The following SPTBN4 variants were observed in gnomAD, a reference collection of about 807,000 sequenced individuals.
SPTBN4 encodes spectrin beta, non-erythrocytic 4, also known as spectrin beta chain, non-erythrocytic 4.
SPTBN4 carries 96 observed loss-of-function variants against 277.8 expected under a neutral mutation model. The ratio of observed to expected loss-of-function variants is 0.35; its 90% CI spans 0.29 to 0.41. The LOEUF (loss-of-function observed/expected upper bound fraction) is 0.41, where lower values mean the gene tolerates loss of function less well. Ranked by LOEUF, SPTBN4 falls within the 10% of genes least tolerant of loss-of-function variation. The pLI, the probability that SPTBN4 is intolerant of heterozygous loss-of-function variation, is 1.00. For missense variants in SPTBN4, 3,006 were observed against 3,595.7 expected, an observed-to-expected ratio of 0.84 and a Z score of 4.19; for synonymous variants, 1,481 against 1,580.3, an observed-to-expected ratio of 0.94 and a Z score of 1.49.
chr19:40,482,777 C>T (rs1407559475), intron 2 of SPTBN4, among the ~76,000 whole-genome samples: 3 of 151,754 alleles, frequency 2.0e-5, no homozygotes, highest in African/African-American at 4.8e-5. Context: ...ACCTGACCAA[C>T]ATGGAGAAAC....
At chr19:40,477,622 C>T (rs2079963647) in intron 2 of SPTBN4, among the ~76,000 whole-genome samples, 1 of 152,280 alleles carries the variant, frequency 6.6e-6, no homozygotes, top group South Asian at 2.1e-4. Flanking sequence ...ATAGGATGTA[C>T]TTGATCCAGC....
In SPTBN4 at chr19:40,515,962, CGTATATAT is replaced by C. The variant is rs1568798481; in HGVS notation, c.2903+515_2903+522del. Among the ~76,000 whole-genome samples the C allele has an allele frequency of 2.6e-4, 38 of 145,534 alleles. No homozygotes were observed. Among genetic ancestry groups the C allele is most frequent in the Non-Finnish European group, 3.6e-4 (24 of 66,628 alleles). On this transcript the variant is annotated intron_variant, in intron 15 of 35. Coordinates refer to ENST00000598249, the MANE Select transcript of SPTBN4 (RefSeq NM_020971.3). The surrounding 1 kb of genome is among the most constrained non-coding windows in gnomAD (Gnocchi z 4.1). Reference sequence around the variant, plus strand: ...ATATACGTATATATACACATATATACGTATATATACACATATATACGTATATATACACA... The same window carrying C: ...ATATACGTATATATACACATATATACACACATATATACGTATATATACACA...
chr19:40,567,972 G>A lies in SPTBN4; in HGVS notation c.6646G>A (p.Glu2216Lys), dbSNP rs1015417599. Reference protein sequence around the residue: ...ALPAAPEDAAETPATPAAAEQ... With the variant: ...ALPAAPEDAAKTPATPAAAEQ... Reference sequence around the variant, plus strand: ...GCCGGCCGCACCAGAGGACGCGGCGGAGACCCCCGCGACCCCCGCGGCGGC... The same window carrying A: ...GCCGGCCGCACCAGAGGACGCGGCGAAGACCCCCGCGACCCCCGCGGCGGC... Residue 2216 changes from glutamate (E) to lysine (K), a missense_variant, in exon 31 of 36, where the codon GAG becomes AAG. This residue lies in a region of SPTBN4 where 630 missense variants were observed against 677.6 expected (regional missense o/e 0.93). Transcript: ENST00000598249. 11 of 1,500,828 alleles carry A rather than the reference G, an allele frequency of 7.3e-6. No individual in the cohort carries two copies. The highest frequency in any genetic ancestry group is 1.3e-5 in the South Asian group (1 of 77,598). 93.0% of individuals were successfully genotyped at this position (1,500,828 alleles called of 1,614,324 possible). A position where few individuals can be genotyped will look rare whatever the true frequency, so the allele number is the denominator to read the frequency against.
chr19:40,566,134 G>GT, intron 29 of SPTBN4, 29 bp from the exon 30 acceptor site: 1 of 1,467,446 alleles, frequency 6.8e-7, no homozygotes, highest in East Asian at 2.5e-5. Context: ...AGATGCCCCA[G>GT]AATCCTTACC....
At chr19:40,563,531 T>C (rs1322644706) in intron 27 of SPTBN4, among the ~76,000 whole-genome samples, 1 of 151,948 alleles carries the variant, frequency 6.6e-6, no homozygotes, top group African/African-American at 2.4e-5. Flanking sequence ...ACATTTTTAT[T>C]TAACCTGACA....
chr19:40,497,232 C>T (rs73048188), intron 6 of SPTBN4, among the ~76,000 whole-genome samples: 8,454 of 152,188 alleles, frequency 0.056, 311 homozygotes, highest in South Asian at 0.093. Context: ...CCTACCCATT[C>T]GTCTGTGTGC....
chr19:40,560,319 C>G lies in SPTBN4; in HGVS notation c.5831C>G (p.Ala1944Gly). Reference protein sequence around the residue: ...ARLHVSSTADALRFHSQVRDL... With the variant: ...ARLHVSSTADGLRFHSQVRDL... The stretch of plus-strand genomic sequence containing the variant: ...CTGCATGTCAGCTCCACAGCCGACG[C>G]CCTGCGCTTCCACAGCCAAGTCCGC... Residue 1944 changes from alanine to glycine, a missense_variant, in exon 27 of 36, where the codon GCC becomes GGC. Coordinates refer to ENST00000598249, the MANE Select transcript of SPTBN4 (RefSeq NM_020971.3). This position sits in a 1 kb window ranked among gnomAD's most constrained non-coding sequence, Gnocchi z 5.2. 2.5e-6 allele frequency: 4 copies of G among 1,614,114 alleles called. No individual in the cohort carries two copies. Among genetic ancestry groups the G allele is most frequent in the Non-Finnish European group, 3.4e-6 (4 of 1,180,026 alleles).
chr19:40,564,432 C>A (rs1568378548), intron 27 of SPTBN4, among the ~76,000 whole-genome samples: 1 of 152,218 alleles, frequency 6.6e-6, no homozygotes, highest in African/African-American at 2.4e-5. Flanking sequence ...TCAGACTGGC[C>A]ACATTTCAAG....
At chr19:40,506,644 C>G (rs893605370) in intron 13 of SPTBN4, among the ~76,000 whole-genome samples, 3 of 152,142 alleles carry the variant, frequency 2.0e-5, no homozygotes, top group Non-Finnish European at 4.4e-5. Flanking sequence ...TGTTATGTGC[C>G]AAGCCCTTCA....
chr19:40,566,405 C>T, intron 30 of SPTBN4, 46 bp downstream of exon 30: 1 of 1,442,778 alleles, frequency 6.9e-7, no homozygotes. Flanking sequence ...CCCACCAAGA[C>T]CCCCACACCC....
intron 28 of SPTBN4, 44 bp from the exon 29 acceptor site, chr19:40,565,617 C>T: frequency 6.4e-7 from 1 of 1,571,230 alleles, no homozygotes; most frequent in Admixed American, 1.9e-5. Flanking sequence ...GGGTGGAAGC[C>T]ATTCCACACC....
rs1288210303 is a variant in SPTBN4 at position 40,501,932 on chromosome 19, G to A, written c.796G>A (p.Glu266Lys). 1.2e-6 allele frequency: 2 copies of A among 1,614,166 alleles called. No homozygotes were observed. The highest frequency in any genetic ancestry group is 1.7e-6 in the Non-Finnish European group (2 of 1,180,010). Residue 266 changes from glutamate to lysine, a missense_variant, in exon 8 of 36, where the codon GAG becomes AAG. Glu to Lys is a moderately conservative substitution (Grantham distance 56). This residue lies in a region of SPTBN4 where 1,759 missense variants were observed against 2,061.5 expected (regional missense o/e 0.85). Transcript: ENST00000598249. Reference protein sequence around the residue: ...RLLDPEDVNMEAPDEKSIITY... With the variant: ...RLLDPEDVNMKAPDEKSIITY... ...CCTCTTGCTTCCAGATGTGAACATGGAGGCTCCAGATGAGAAGTCCATCAT... is the reference window on the plus strand; with the variant it reads ...CCTCTTGCTTCCAGATGTGAACATGAAGGCTCCAGATGAGAAGTCCATCAT...
At chr19:40,552,958 T>G (rs1030124983) in intron 22 of SPTBN4, among the ~76,000 whole-genome samples, 22 of 152,268 alleles carry the variant, frequency 1.4e-4, no homozygotes, top group African/African-American at 5.3e-4. Flanking sequence ...TGCTCCATAG[T>G]TTATCACCTT....
intron 20 of SPTBN4, among the ~76,000 whole-genome samples, chr19:40,536,387 T>A (rs1395022800): frequency 1.3e-5 from 2 of 152,094 alleles, no homozygotes; most frequent in Non-Finnish European, 2.9e-5. Context: ...CTAATTTTTT[T>A]ATTTTTAGTA....
chr19:40,493,101 C>T, intron 5 of SPTBN4, 47 bp downstream of exon 5: 1 of 1,570,626 alleles, frequency 6.4e-7, no homozygotes, highest in South Asian at 1.1e-5. Flanking sequence ...AAGTGGTCCC[C>T]TAACCTCTGC....
Position 40,519,721 on chromosome 19 carries a change from G to C in SPTBN4, c.3224G>C (p.Ser1075Thr). 7.2e-7 allele frequency: 1 copy of C among 1,398,474 alleles called. No homozygotes were observed. The highest frequency in any genetic ancestry group is 1.5e-5 in the African/African-American group (1 of 65,690). The allele number at this position is 1,398,474 out of a possible 1,614,324, so 86.6% of individuals were successfully genotyped here. A position where few individuals can be genotyped will look rare whatever the true frequency, so the allele number is the denominator to read the frequency against. The change falls in exon 16 of 36, where the codon AGC becomes ACC. Residue 1075 changes from serine to threonine, a missense_variant. Ser to Thr is a moderately conservative substitution (Grantham distance 58). Around this residue, in one of 5 missense-constraint regions of SPTBN4, gnomAD observed 1,759 missense variants for 2,061.5 expected, o/e 0.85. Transcript: ENST00000598249. This position sits in a 1 kb window ranked among gnomAD's most constrained non-coding sequence, Gnocchi z 5.7. ...ELGAEWGALA[S>T]AAQACGEAVA... ...GGCGCCGAGTGGGGCGCGCTAGCTA[G>C]CGCGGCTCAGGCCTGCGGCGAGGCG...
intron 2 of SPTBN4, among the ~76,000 whole-genome samples, chr19:40,484,468 C>G (rs1031432325): frequency 1.3e-5 from 2 of 152,122 alleles, no homozygotes; most frequent in East Asian, 1.9e-4. Flanking sequence ...CAGATAACCT[C>G]GAGATGATCA....
chr19:40,495,655 C>A (rs1489600991), intron 6 of SPTBN4, among the ~76,000 whole-genome samples: 1 of 151,712 alleles, frequency 6.6e-6, no homozygotes, highest in Non-Finnish European at 1.5e-5. Context: ...CCCTAACCCC[C>A]CCACCACCAC....
chr19:40,502,235 G>A lies in SPTBN4; in HGVS notation c.1005G>A (p.Gln335=), dbSNP rs746433991. 3.7e-6 allele frequency: 6 copies of A among 1,613,774 alleles called. No homozygotes were observed. Among genetic ancestry groups the A allele is most frequent in the Non-Finnish European group, 5.1e-6 (6 of 1,180,002 alleles). Residue 335 remains glutamine (Q), a synonymous_variant, in exon 9 of 36, where the codon CAG becomes CAA. Transcript: ENST00000598249. This position sits in a 1 kb window ranked among gnomAD's most constrained non-coding sequence, Gnocchi z 4.9. ...IHRTVGLISN[Q]KFANSLSGVQ... Reference sequence around the variant, plus strand: ...GCACCGTGGGCCTCATCAGCAATCAGAAATTTGCCAACTCCTTAAGTGGGG... The same window carrying A: ...GCACCGTGGGCCTCATCAGCAATCAAAAATTTGCCAACTCCTTAAGTGGGG...
Sources: gnomAD v4.1 joint callset for allele counts (sites outside exome capture counted in the v4.1 genomes callset) on GRCh38, gnomAD v4.1.1 for gene constraint, gnomAD v4.1.1 regional missense constraint, Gnocchi (gnomAD v3.1) non-coding constraint, MANE v1.5 for transcripts, NCBI Gene and HGNC (gene_info 2026-07-23, HGNC 2026-07-21) for gene names.